The following GRIA3 variants were observed in gnomAD, a reference collection of about 807,000 sequenced individuals.
The protein encoded by GRIA3 is glutamate receptor 3.
GRIA3 carries 3 observed loss-of-function variants against 63.0 expected under a neutral mutation model. The ratio of observed to expected loss-of-function variants is 0.05; its 90% CI spans 0.02 to 0.12. The LOEUF is 0.12. Ranked by LOEUF, GRIA3 falls within the 10% of genes least tolerant of loss-of-function variation. The pLI, the probability that GRIA3 is intolerant of heterozygous loss-of-function variation, is 1.00. For missense variants in GRIA3, 347 were observed against 700.9 expected (o/e 0.50, Z 5.70); for synonymous variants, 274 against 257.9 (o/e 1.06, Z -0.60).
At chrX:123,244,457 T>C (rs1459239978) in intron 2 of GRIA3, among the ~76,000 whole-genome samples, 1 of 112,689 alleles carries the variant, frequency 8.9e-6, no homozygotes, top group Non-Finnish European at 1.9e-5. Context: ...ATCAGGAAGA[T>C]AGCTGCCTGT....
chrX:123,454,216 T>C (rs112708418), intron 12 of GRIA3, among the ~76,000 whole-genome samples: 1 of 110,544 alleles, frequency 9.0e-6, no homozygotes, highest in Non-Finnish European at 1.9e-5. Flanking sequence ...TAGTGTACTG[T>C]TTGAGAGCAG....
intron 3 of GRIA3, among the ~76,000 whole-genome samples, chrX:123,299,262 A>G (rs1046301574): frequency 9.0e-6 from 1 of 111,559 alleles, no homozygotes; most frequent in South Asian, 3.8e-4. Flanking sequence ...TAGTTTTGTG[A>G]AGAAACTCCA....
intron 6 of GRIA3, among the ~76,000 whole-genome samples, chrX:123,397,006 T>C (rs1448235176): frequency 9.0e-6 from 1 of 111,299 alleles, no homozygotes; most frequent in Non-Finnish European, 1.9e-5. Flanking sequence ...TGGTAAGAAG[T>C]ATGAAAAGGG....
chrX:123,323,708 T>C (rs898059853), intron 3 of GRIA3, among the ~76,000 whole-genome samples: 2 of 111,094 alleles, frequency 1.8e-5, no homozygotes, highest in African/African-American at 6.6e-5. Context: ...AAGGGAGAAG[T>C]GGGGACTGGA....
At chrX:123,207,229 C>G (rs952305272) in intron 2 of GRIA3, among the ~76,000 whole-genome samples, 2 of 111,231 alleles carry the variant, frequency 1.8e-5, no homozygotes, top group African/African-American at 6.5e-5. Context: ...GAAGACCACA[C>G]CTTTCATTTT....
intron 12 of GRIA3, among the ~76,000 whole-genome samples, chrX:123,445,293 C>T (rs2045697442): frequency 9.0e-6 from 1 of 111,714 alleles, no homozygotes; most frequent in Admixed American, 9.5e-5. Flanking sequence ...CTGCCCTTCC[C>T]CTCCCTGGAA....
At chrX:123,316,941 G>A (rs768252906) in intron 3 of GRIA3, among the ~76,000 whole-genome samples, 145 of 111,603 alleles carry the variant, frequency 1.3e-3, no homozygotes, top group African/African-American at 4.6e-3. Flanking sequence ...GTATTAGTTC[G>A]TTTTCATGCT....
chrX:123,238,638 T>C (rs1164829716), intron 2 of GRIA3, among the ~76,000 whole-genome samples: 1 of 112,451 alleles, frequency 8.9e-6, no homozygotes, highest in Non-Finnish European at 1.9e-5. Flanking sequence ...TTTTTAATGC[T>C]AGGTCATGAC....
intron 2 of GRIA3, among the ~76,000 whole-genome samples, chrX:123,230,042 G>A (rs1266540010): frequency 4.5e-5 from 5 of 111,415 alleles, no homozygotes; most frequent in Admixed American, 9.5e-5. Flanking sequence ...ATGATTTGGG[G>A]AGGAGGAAGA....
chrX:123,441,481 TA>T (rs1356470209), intron 12 of GRIA3, among the ~76,000 whole-genome samples: 1 of 111,620 alleles, frequency 9.0e-6, no homozygotes, highest in African/African-American at 3.2e-5. Context: ...TTTCTAATTT[TA>T]AAACTTACAT....
intron 3 of GRIA3, among the ~76,000 whole-genome samples, chrX:123,312,395 TA>T (rs1256520999): frequency 8.9e-6 from 1 of 111,918 alleles, no homozygotes; most frequent in Non-Finnish European, 1.9e-5. Context: ...AGGTGAGTCT[TA>T]ATGAATGAAA....
intron 4 of GRIA3, among the ~76,000 whole-genome samples, chrX:123,328,708 T>C (rs1294893001): frequency 1.8e-5 from 2 of 111,816 alleles, no homozygotes; most frequent in Admixed American, 9.5e-5. Context: ...AACAAGAACA[T>C]TTCAGAAGTT....
intron 4 of GRIA3, among the ~76,000 whole-genome samples, chrX:123,353,056 AAC>A (rs1313551741): frequency 6.3e-5 from 3 of 47,735 alleles, no homozygotes; most frequent in Non-Finnish European, 9.6e-5. Context: ...CACACACACA[AAC>A]ACACACACAC....
chrX:123,282,388 A>G (rs184982994), intron 3 of GRIA3, among the ~76,000 whole-genome samples: 3 of 112,299 alleles, frequency 2.7e-5, no homozygotes, highest in African/African-American at 9.7e-5. Context: ...TATCTGAAAA[A>G]CAATCCCATT....
intron 3 of GRIA3, among the ~76,000 whole-genome samples, chrX:123,260,751 G>A (rs932645616): frequency 2.0e-4 from 22 of 108,873 alleles, no homozygotes; most frequent in Admixed American, 7.9e-4. Context: ...GTACATTATC[G>A]TGTGAGAGAC....
In GRIA3 at chrX:123,486,361, C is replaced by G. The variant is rs756226623; in HGVS notation, c.*3-2352C>G. 7.1e-5 allele frequency among the ~76,000 whole-genome samples: 8 copies of G among 111,902 alleles called. No individual in the cohort carries two copies. In the South Asian group the frequency reaches 3.0e-3, roughly 42 times the overall value. ...TCTGAGTTGATCCACTTTTGTGAAG[C>G]AAAATTCAGGCTACTTGAGGCAACA... On this transcript the variant is annotated intron_variant, in intron 15 of 15. Transcript: ENST00000620443.
intron 3 of GRIA3, among the ~76,000 whole-genome samples, chrX:123,255,179 T>C (rs1042433592): frequency 4.5e-5 from 5 of 111,485 alleles, no homozygotes; most frequent in African/African-American, 1.6e-4. Flanking sequence ...TCCAGAAAAG[T>C]AGAGTTTTCA....
chrX:123,186,454 C>T (rs1233872268), intron 2 of GRIA3, among the ~76,000 whole-genome samples: 2 of 111,933 alleles, frequency 1.8e-5, no homozygotes, highest in African/African-American at 6.5e-5. Context: ...GCTCTAGGAA[C>T]GAGCTGAATT....
intron 3 of GRIA3, among the ~76,000 whole-genome samples, chrX:123,305,592 A>G (rs1056080078): frequency 4.5e-5 from 5 of 111,625 alleles, no homozygotes; most frequent in African/African-American, 1.3e-4. Flanking sequence ...ATTAGCATTT[A>G]TTTTTCTGCA....
Sources: allele counts gnomAD v4.1 joint callset (sites outside exome capture counted in the v4.1 genomes callset), GRCh38; gene constraint gnomAD v4.1.1; transcripts MANE v1.5; gene names NCBI Gene and HGNC (gene_info 2026-07-23, HGNC 2026-07-21).